PIK3R5: variants seen among roughly 807,000 people sequenced by gnomAD.
The protein encoded by PIK3R5 is phosphoinositide-3-kinase regulatory subunit 5.
A neutral mutation model predicts 94.9 loss-of-function variants in PIK3R5; 32 were observed. The ratio of observed to expected loss-of-function variants is 0.34; its 90% CI spans 0.25 to 0.45. The LOEUF (loss-of-function observed/expected upper bound fraction) is 0.45. PIK3R5 is among the 20% of genes least tolerant of loss of function. The probability of loss-of-function intolerance (pLI) is 1.00; values close to 1 mark genes in which losing one functional copy is unlikely to be tolerated. For synonymous variants in PIK3R5, 443 were observed against 479.4 expected (o/e 0.92, Z 0.99); for missense variants, 853 against 1,144.6 (o/e 0.75, Z 3.68).
In PIK3R5 at chr17:8,909,002, T is replaced by C; in HGVS notation, c.204+72A>G. The C allele has an allele frequency of 1.1e-6, 1 of 932,550 alleles. No individual in the cohort carries two copies. The highest frequency in any genetic ancestry group is 1.7e-6 in the Non-Finnish European group (1 of 589,058). 57.8% of individuals were successfully genotyped at this position (932,550 alleles called of 1,614,324 possible). ...AGGTCCAGGCACCCAGGAATGATGT[T>C]CTCTGGGACCTATTTCTCCACTCTA... is the stretch of plus-strand genomic sequence containing the variant. On this transcript the variant is annotated intron_variant, in intron 3 of 18. Coordinates refer to ENST00000447110, the MANE Select transcript of PIK3R5 (RefSeq NM_001142633.3). This position sits in a 1 kb window ranked among gnomAD's most constrained non-coding sequence, Gnocchi z 4.3.
chr17:8,899,986 C>T (rs568449158), intron 5 of PIK3R5, among the ~76,000 whole-genome samples: 6 of 151,848 alleles, frequency 4.0e-5, no homozygotes, highest in Non-Finnish European at 5.9e-5. Flanking sequence ...TGCAGTGAGC[C>T]GAGGTCGTGC....
intron 1 of PIK3R5, among the ~76,000 whole-genome samples, chr17:8,927,754 G>A (rs1013273747): frequency 3.3e-5 from 5 of 152,156 alleles, no homozygotes; most frequent in Admixed American, 6.5e-5. Context: ...CAGTGTTGGA[G>A]GTGGTGCCTG....
At chr17:8,961,891 G>C (rs767371968) in intron 1 of PIK3R5, among the ~76,000 whole-genome samples, 3 of 152,146 alleles carry the variant, frequency 2.0e-5, no homozygotes, top group Non-Finnish European at 2.9e-5. Context: ...GGTGTAACTT[G>C]CTGTAGCTGT....
In PIK3R5 at chr17:8,880,910, T is replaced by A; in HGVS notation, c.2490A>T (p.Val830=). Residue 830 remains valine, a synonymous_variant, in exon 18 of 19, where the codon GTA becomes GTT. Coordinates refer to ENST00000447110, the MANE Select transcript of PIK3R5 (RefSeq NM_001142633.3). The part of the protein sequence containing the change: ...DQDERKILQS[V]VRCEVSPCYK... The stretch of plus-strand genomic sequence containing the variant: ...CTAGGACCCCCCTTTCCTACCTGAC[T>A]ACACTCTGCAGGATCTTTCTCTCAT... 1.9e-6 allele frequency: 3 copies of A among 1,613,920 alleles called. No individual in the cohort carries two copies. Among genetic ancestry groups the A allele is most frequent in the Non-Finnish European group, 2.5e-6 (3 of 1,179,812 alleles).
chr17:8,889,875 G>A lies in PIK3R5; in HGVS notation c.811+98C>T. 1 of 1,270,910 alleles carries A rather than the reference G, an allele frequency of 7.9e-7. No individual in the cohort carries two copies. Among genetic ancestry groups the A allele is most frequent in the South Asian group, 1.3e-5 (1 of 78,780 alleles). 78.7% of individuals were successfully genotyped at this position (1,270,910 alleles called of 1,614,324 possible). A position where few individuals can be genotyped will look rare whatever the true frequency, so the allele number is the denominator to read the frequency against. ...AGAAGCTGAGTCCCTGAGTGACTGT[G>A]TGGAGCAGAGCCACCAGGCCCGCCT... On this transcript the variant is annotated intron_variant, in intron 8 of 18. Transcript: ENST00000447110. The surrounding 1 kb of genome is among the most constrained non-coding windows in gnomAD (Gnocchi z 4.1).
chr17:8,965,165 C>T (rs746802903), intron 1 of PIK3R5, among the ~76,000 whole-genome samples: 1 of 152,222 alleles, frequency 6.6e-6, no homozygotes, highest in Admixed American at 6.5e-5. Context: ...ACGGAGGGCG[C>T]CTTACGCGGG....
At chr17:8,910,539 A>G (rs886869845) in intron 2 of PIK3R5, among the ~76,000 whole-genome samples, 14 of 152,214 alleles carry the variant, frequency 9.2e-5, no homozygotes, top group African/African-American at 1.9e-4. Context: ...CCCATTTTGC[A>G]GACAAGGCAA....
Position 8,888,980 on chromosome 17 carries a change from G to A in PIK3R5, c.896-89C>T. 6.5e-7 allele frequency: 1 copy of A among 1,535,932 alleles called. No individual in the cohort carries two copies. Among genetic ancestry groups the A allele is most frequent in the Non-Finnish European group, 8.7e-7 (1 of 1,145,508 alleles). On this transcript the variant is annotated intron_variant, in intron 9 of 18. Transcript: ENST00000447110. This position sits in a 1 kb window ranked among gnomAD's most constrained non-coding sequence, Gnocchi z 7.8. ...TTTGGAGGGGAGACAGCAGGACTCA[G>A]GGCCAGCCCAGGACTCCTAGCACTG...
chr17:8,956,134 C>G (rs1334897783), intron 1 of PIK3R5, among the ~76,000 whole-genome samples: 1 of 151,860 alleles, frequency 6.6e-6, no homozygotes, highest in Non-Finnish European at 1.5e-5. Flanking sequence ...GTACTCCAGT[C>G]TGGGTGACAG....
At chr17:8,965,030 C>CACA (rs1555556517) in intron 1 of PIK3R5, among the ~76,000 whole-genome samples, 11 of 151,492 alleles carry the variant, frequency 7.3e-5, no homozygotes, top group African/African-American at 2.4e-4. Flanking sequence ...CACACACACA[C>CACA]GAGTCACGCG....
chr17:8,941,159 C>T (rs2091172841), intron 1 of PIK3R5, among the ~76,000 whole-genome samples: 1 of 152,164 alleles, frequency 6.6e-6, no homozygotes, highest in Non-Finnish European at 1.5e-5. Flanking sequence ...ACTTTGCTTC[C>T]TGTCTAACCA....
At position 8,884,743 on chromosome 17, in the gene PIK3R5, C is replaced by A. The variant is rs756297253; in HGVS notation, c.2169G>T (p.Glu723Asp). 5 of 1,613,396 alleles carry A rather than the reference C, an allele frequency of 3.1e-6. No homozygotes were observed. In the South Asian group the frequency reaches 5.5e-5, roughly 18 times the overall value. Residue 723 changes from glutamate (E) to aspartate (D), a missense_variant, in exon 15 of 19, where the codon GAG (glutamate) becomes GAT (aspartate). Physicochemically the swap from Glu to Asp is conservative, Grantham distance 45. Transcript: ENST00000447110. This position sits in a 1 kb window ranked among gnomAD's most constrained non-coding sequence, Gnocchi z 5.8. Reference sequence around the variant, plus strand: ...TAATCTGTAGTGTTAGAGGAACAGCCTCCCGGTCGCCATCGATGCCCAGCC... The same window carrying A: ...TAATCTGTAGTGTTAGAGGAACAGCATCCCGGTCGCCATCGATGCCCAGCC... ...SKRLGIDGDR[E>D]AVPLTLQIIY...
At chr17:8,912,235 C>A (rs892872758) in intron 1 of PIK3R5, among the ~76,000 whole-genome samples, 18 of 152,092 alleles carry the variant, frequency 1.2e-4, no homozygotes, top group African/African-American at 3.4e-4. Context: ...AACTGAGAGC[C>A]CCCAGCAGGG....
At position 8,904,906 on chromosome 17, in the gene PIK3R5, A is replaced by G; in HGVS notation, c.283T>C (p.Phe95Leu). The G allele has an allele frequency of 6.2e-7, 1 of 1,612,964 alleles. No individual in the cohort carries two copies. Among genetic ancestry groups the G allele is most frequent in the Non-Finnish European group, 8.5e-7 (1 of 1,180,002 alleles). Residue 95 changes from phenylalanine to leucine, a missense_variant, in exon 5 of 19, where the codon TTC becomes CTC. Phe to Leu is a conservative substitution (Grantham distance 22, BLOSUM62 0). This residue lies in a region of PIK3R5 where 108 missense variants were observed against 170.1 expected (regional missense o/e 0.63). Transcript: ENST00000447110. This position sits in a 1 kb window ranked among gnomAD's most constrained non-coding sequence, Gnocchi z 5.1. ...AGAAGGAGATCCGAGTCTGGTGGGAAGTGTGGTGTCTAGGATGGAGGCAGG... is the reference window on the plus strand; with the variant it reads ...AGAAGGAGATCCGAGTCTGGTGGGAGGTGTGGTGTCTAGGATGGAGGCAGG... ...FYSTVLCTPHFPPDSDLLLKA... is the reference protein window; with the variant it reads ...FYSTVLCTPHLPPDSDLLLKA...
At chr17:8,934,764 T>C (rs2091043024) in intron 1 of PIK3R5, among the ~76,000 whole-genome samples, 1 of 151,996 alleles carries the variant, frequency 6.6e-6, no homozygotes, top group South Asian at 2.1e-4. Flanking sequence ...AATAGAACCA[T>C]AGTATACATG....
intron 15 of PIK3R5, among the ~76,000 whole-genome samples, chr17:8,883,228 G>C (rs1316504566): frequency 6.6e-6 from 1 of 152,226 alleles, no homozygotes; most frequent in Non-Finnish European, 1.5e-5. Context: ...AATTAGCCGG[G>C]TGTGGTGGCG....
chr17:8,918,891 C>T (rs563293785), intron 1 of PIK3R5, among the ~76,000 whole-genome samples: 1 of 152,300 alleles, frequency 6.6e-6, no homozygotes, highest in East Asian at 1.9e-4. Flanking sequence ...CACGTCACTT[C>T]TTTGTGTTTT....
At chr17:8,894,672 T>C (rs1463040939) in intron 5 of PIK3R5, among the ~76,000 whole-genome samples, 1 of 152,202 alleles carries the variant, frequency 6.6e-6, no homozygotes, top group Non-Finnish European at 1.5e-5. Context: ...TTCAGTTCTG[T>C]TTCCACCATG....
intron 1 of PIK3R5, among the ~76,000 whole-genome samples, chr17:8,930,036 T>C (rs914577408): frequency 2.0e-5 from 3 of 152,096 alleles, no homozygotes; most frequent in African/African-American, 7.2e-5. Context: ...AGAACAACTG[T>C]AAAGAAAATC....
Sources: gnomAD v4.1 joint callset for allele counts (sites outside exome capture counted in the v4.1 genomes callset) on GRCh38, gnomAD v4.1.1 for gene constraint, gnomAD v4.1.1 regional missense constraint, Gnocchi (gnomAD v3.1) non-coding constraint, MANE v1.5 for transcripts, NCBI Gene and HGNC (gene_info 2026-07-23, HGNC 2026-07-21) for gene names.